The following ZNF892 variants were observed in gnomAD, a reference collection of about 807,000 sequenced individuals.
ZNF892 encodes zinc finger protein 892.
chr2:95,219,306 A>G, the ZNF892 span, among the ~76,000 whole-genome samples: 10 of 151,962 alleles, frequency 6.6e-5, no homozygotes, highest in Non-Finnish European at 1.5e-4. Context: ...GCCCCGGCCA[A>G]GTATTTTCTG....
the ZNF892 span, among the ~76,000 whole-genome samples, chr2:95,211,227 CAT>C: frequency 6.6e-6 from 1 of 152,174 alleles, no homozygotes; most frequent in Non-Finnish European, 1.5e-5. Flanking sequence ...TCTTGAACCC[CAT>C]ATGTTTTAAA....
the ZNF892 span, among the ~76,000 whole-genome samples, chr2:95,245,460 G>GGGT: frequency 8.5e-6 from 1 of 117,286 alleles, no homozygotes; most frequent in Non-Finnish European, 1.7e-5. Context: ...CGGGGGGGGG[G>GGGT]GGGTTTCACC....
At chr2:95,225,608 C>T in the ZNF892 span, among the ~76,000 whole-genome samples, 1 of 152,210 alleles carries the variant, frequency 6.6e-6, no homozygotes, top group Non-Finnish European at 1.5e-5. Context: ...AGGGGGTAAA[C>T]ATTCAAACCA....
the ZNF892 span, among the ~76,000 whole-genome samples, chr2:95,243,448 C>T: frequency 6.6e-6 from 1 of 151,746 alleles, no homozygotes; most frequent in Non-Finnish European, 1.5e-5. Context: ...AAGTGAGGAG[C>T]ATCTCTGCCC....
the ZNF892 span, among the ~76,000 whole-genome samples, chr2:95,253,109 C>T: frequency 6.6e-6 from 1 of 152,264 alleles, no homozygotes; most frequent in South Asian, 2.1e-4. Flanking sequence ...CATTTGTCAA[C>T]TTTGGCTTTT....
At chr2:95,232,455 C>T in the ZNF892 span, among the ~76,000 whole-genome samples, 6 of 152,192 alleles carry the variant, frequency 3.9e-5, no homozygotes, top group Non-Finnish European at 7.3e-5. Flanking sequence ...CCAGGCAGGG[C>T]GCCTGGGACA....
At chr2:95,243,293 G>A in the ZNF892 span, among the ~76,000 whole-genome samples, 7 of 151,316 alleles carry the variant, frequency 4.6e-5, no homozygotes, top group Admixed American at 3.3e-4. Flanking sequence ...AGTGAGGAGC[G>A]TCTCTGCCTG....
At chr2:95,208,730 G>T in the ZNF892 span, 1 of 398,526 alleles carries the variant, frequency 2.5e-6, no homozygotes, top group East Asian at 3.6e-5. Flanking sequence ...TGACCCCTGG[G>T]TCCCAAGTAA....
the ZNF892 span, among the ~76,000 whole-genome samples, chr2:95,250,622 TC>T: frequency 2.2e-5 from 3 of 137,180 alleles, no homozygotes; most frequent in African/African-American, 2.6e-5. Flanking sequence ...TATAAACTAT[TC>T]ATAAATTATA....
the ZNF892 span, among the ~76,000 whole-genome samples, chr2:95,227,053 A>T: frequency 9.9e-5 from 15 of 152,214 alleles, no homozygotes; most frequent in Non-Finnish European, 1.6e-4. Context: ...ACCACAATTT[A>T]TTGATATGGC....
chr2:95,237,600 G>A, the ZNF892 span, among the ~76,000 whole-genome samples: 2 of 152,206 alleles, frequency 1.3e-5, no homozygotes, highest in East Asian at 3.8e-4. Flanking sequence ...GAAAGGAAGA[G>A]TCACATGTTT....
chr2:95,223,390 G>T, the ZNF892 span, among the ~76,000 whole-genome samples: 17 of 151,992 alleles, frequency 1.1e-4, 1 homozygote, highest in African/African-American at 3.9e-4. Context: ...TAATATTGGG[G>T]TTTTTTTGGG....
chr2:95,224,645 G>A, the ZNF892 span, among the ~76,000 whole-genome samples: 1 of 152,258 alleles, frequency 6.6e-6, no homozygotes, highest in East Asian at 1.9e-4. Context: ...CTCCAATCAG[G>A]TCCCACCTCC....
chr2:95,208,037 A>G, the ZNF892 span, among the ~76,000 whole-genome samples: 1 of 152,176 alleles, frequency 6.6e-6, no homozygotes, highest in Non-Finnish European at 1.5e-5. Context: ...TCCCTTGCTC[A>G]AGGGAAAATA....
At chr2:95,248,182 G>A in the ZNF892 span, among the ~76,000 whole-genome samples, 2 of 152,116 alleles carry the variant, frequency 1.3e-5, no homozygotes, top group East Asian at 1.9e-4. Flanking sequence ...TATGTCCTTC[G>A]CAGCAACATA....
the ZNF892 span, among the ~76,000 whole-genome samples, chr2:95,254,355 T>C: frequency 6.6e-6 from 1 of 152,250 alleles, no homozygotes; most frequent in Admixed American, 6.5e-5. Context: ...GTTTTTGTTG[T>C]TGGTTCTGTT....
chr2:95,239,955 T>C, the ZNF892 span, among the ~76,000 whole-genome samples: 1 of 152,208 alleles, frequency 6.6e-6, no homozygotes, highest in Non-Finnish European at 1.5e-5. Context: ...ACATAACTTA[T>C]ATGCACTAGG....
the ZNF892 span, among the ~76,000 whole-genome samples, chr2:95,231,165 A>C: frequency 6.6e-6 from 1 of 152,240 alleles, no homozygotes; most frequent in African/African-American, 2.4e-5. Flanking sequence ...TCACAACTGG[A>C]AACAGCCCAA....
chr2:95,256,800 C>A, the ZNF892 span, among the ~76,000 whole-genome samples: 1 of 152,184 alleles, frequency 6.6e-6, no homozygotes, highest in Non-Finnish European at 1.5e-5. Flanking sequence ...TAAACCTTCT[C>A]TTCTCGCTTC....
Sources: allele counts gnomAD v4.1 joint callset (sites outside exome capture counted in the v4.1 genomes callset), GRCh38; gene constraint gnomAD v4.1.1; transcripts MANE v1.5; gene names NCBI Gene and HGNC (gene_info 2026-07-23, HGNC 2026-07-21).